Variants in CMSS1 observed in about 807,000 individuals in gnomAD.
CMSS1 encodes protein CMSS1.
A neutral mutation model predicts 43.5 loss-of-function variants in CMSS1; 33 were observed. That is an observed-to-expected ratio of 0.76 (90% CI 0.57 to 1.01). The LOEUF is 1.01. Among genes scored for constraint, CMSS1 ranks in the 50% least tolerant of loss-of-function variants. CMSS1 has a pLI of 0.00. For missense variants in CMSS1, 313 were observed against 326.4 expected (o/e 0.96, Z 0.32); for synonymous variants, 115 against 117.2 (o/e 0.98, Z 0.12).
At chr3:100,052,772 A>G (rs983002658) in intron 1 of CMSS1, among the ~76,000 whole-genome samples, 2 of 152,194 alleles carry the variant, frequency 1.3e-5, no homozygotes, top group African/African-American at 4.8e-5. Flanking sequence ...TTGTTTGAGT[A>G]TATACTGTAT....
chr3:99,875,066 T>G (rs969840875), intron 1 of CMSS1, among the ~76,000 whole-genome samples: 1 of 152,228 alleles, frequency 6.6e-6, no homozygotes, highest in African/African-American at 2.4e-5. Flanking sequence ...TAAAGTTTTA[T>G]TTTACAATAT....
At chr3:99,823,384 T>C (rs183272751) in intron 1 of CMSS1, among the ~76,000 whole-genome samples, 21 of 152,348 alleles carry the variant, frequency 1.4e-4, no homozygotes, top group African/African-American at 4.8e-4. Flanking sequence ...TCTCCAAACC[T>C]GCTTTTTCTC....
intron 1 of CMSS1, among the ~76,000 whole-genome samples, chr3:100,059,932 C>T (rs2065531314): frequency 6.6e-6 from 1 of 151,962 alleles, no homozygotes; most frequent in Non-Finnish European, 1.5e-5. Context: ...CTGGGGAGTT[C>T]TGGCCTCGTT....
At chr3:100,095,810 A>G (rs1183910869) in intron 1 of CMSS1, among the ~76,000 whole-genome samples, 1 of 152,192 alleles carries the variant, frequency 6.6e-6, no homozygotes, top group Non-Finnish European at 1.5e-5. Flanking sequence ...CCAGCAAAGG[A>G]AACAATCAAC....
At chr3:99,841,695 A>G (rs1943139519) in intron 1 of CMSS1, among the ~76,000 whole-genome samples, 1 of 152,226 alleles carries the variant, frequency 6.6e-6, no homozygotes, top group Admixed American at 6.5e-5. Context: ...CAATTCTCAA[A>G]AGAAGATATA....
At chr3:100,016,807 CTTTTCTT>C (rs1392933152) in intron 1 of CMSS1, among the ~76,000 whole-genome samples, 1 of 152,140 alleles carries the variant, frequency 6.6e-6, no homozygotes, top group African/African-American at 2.4e-5. Context: ...TCCTTTATCT[CTTTTCTT>C]AATAGTGCTT....
chr3:100,117,825 G>GTATA (rs1166983737), intron 1 of CMSS1, among the ~76,000 whole-genome samples: 1,280 of 75,046 alleles, frequency 0.017, 25 homozygotes, highest in East Asian at 0.062. Flanking sequence ...ATAAACTGCA[G>GTATA]TATATATATA....
At chr3:99,967,133 C>T (rs1247392493) in intron 1 of CMSS1, among the ~76,000 whole-genome samples, 15 of 152,186 alleles carry the variant, frequency 9.9e-5, no homozygotes, top group Admixed American at 9.8e-4. Context: ...TTCTGAAAAG[C>T]TTGGATTAGG....
chr3:99,983,478 A>ATGTGTATGTGTGTG (rs1265189911), intron 1 of CMSS1, among the ~76,000 whole-genome samples: 1 of 22,124 alleles, frequency 4.5e-5, no homozygotes, highest in Non-Finnish European at 9.3e-5. Flanking sequence ...ATATATATAT[A>ATGTGTATGTGTGTG]TATATATATA....
At chr3:100,140,075 A>G (rs944312506) in intron 1 of CMSS1, among the ~76,000 whole-genome samples, 5 of 152,220 alleles carry the variant, frequency 3.3e-5, no homozygotes, top group African/African-American at 7.2e-5. Context: ...TATTTTTAGT[A>G]TATGTAAATT....
intron 1 of CMSS1, among the ~76,000 whole-genome samples, chr3:100,139,590 T>C (rs1291581217): frequency 7.9e-6 from 1 of 127,312 alleles, no homozygotes; most frequent in African/African-American, 3.1e-5. Context: ...TGTATATATA[T>C]GTGTGTGTAT....
At chr3:99,977,805 G>A (rs1709014292) in intron 1 of CMSS1, among the ~76,000 whole-genome samples, 1 of 152,098 alleles carries the variant, frequency 6.6e-6, no homozygotes, top group Non-Finnish European at 1.5e-5. Flanking sequence ...TTGTCTGATG[G>A]CCTAAACCTA....
At chr3:100,076,283 C>T (rs1299281433) in intron 1 of CMSS1, among the ~76,000 whole-genome samples, 2 of 152,114 alleles carry the variant, frequency 1.3e-5, no homozygotes, top group African/African-American at 2.4e-5. Flanking sequence ...ATATATTTTT[C>T]CCTCTCTAAA....
At chr3:99,825,451 A>C (rs1253650099) in intron 1 of CMSS1, among the ~76,000 whole-genome samples, 5 of 152,224 alleles carry the variant, frequency 3.3e-5, no homozygotes, top group African/African-American at 4.8e-5. Context: ...ATTGCTCTAC[A>C]CTTGAAGGCT....
At chr3:99,846,510 A>G (rs1012383156) in intron 1 of CMSS1, among the ~76,000 whole-genome samples, 1 of 152,228 alleles carries the variant, frequency 6.6e-6, no homozygotes, top group Non-Finnish European at 1.5e-5. Context: ...AACAGTTTTA[A>G]TAAACATTTA....
chr3:100,085,227 A>G (rs1490427450), intron 1 of CMSS1, among the ~76,000 whole-genome samples: 1 of 152,234 alleles, frequency 6.6e-6, no homozygotes, highest in Non-Finnish European at 1.5e-5. Flanking sequence ...GAAGTTTGCC[A>G]GAAGAGAACA....
At chr3:99,970,173 G>A (rs1434489811) in intron 1 of CMSS1, among the ~76,000 whole-genome samples, 1 of 152,168 alleles carries the variant, frequency 6.6e-6, no homozygotes, top group East Asian at 1.9e-4. Context: ...CTTCTGAAAT[G>A]GGTTATCATT....
intron 1 of CMSS1, among the ~76,000 whole-genome samples, chr3:100,079,619 C>T (rs2065901224): frequency 6.6e-6 from 1 of 152,118 alleles, no homozygotes; most frequent in Non-Finnish European, 1.5e-5. Context: ...GGTGTGGAAT[C>T]AGAATCCTCT....
At chr3:99,911,860 G>C (rs947792299) in intron 1 of CMSS1, among the ~76,000 whole-genome samples, 11 of 151,878 alleles carry the variant, frequency 7.2e-5, no homozygotes, top group Non-Finnish European at 1.6e-4. Flanking sequence ...CAAGCATAGT[G>C]TTAAGTTAAA....
Sources: allele counts gnomAD v4.1 joint callset (sites outside exome capture counted in the v4.1 genomes callset), GRCh38; gene constraint gnomAD v4.1.1; transcripts MANE v1.5; gene names NCBI Gene and HGNC (gene_info 2026-07-23, HGNC 2026-07-21).